The following SRP72 variants were observed in gnomAD, a reference collection of about 807,000 sequenced individuals.
The protein encoded by SRP72 is signal recognition particle 72, also known as signal recognition particle subunit SRP72.
In SRP72, 49 loss-of-function variants were observed where a neutral mutation model predicts 96.3. That is an observed-to-expected ratio of 0.51 (90% CI 0.40 to 0.65). The LOEUF is 0.65. Among genes scored for constraint, SRP72 ranks in the 30% least tolerant of loss-of-function variants. The probability of loss-of-function intolerance (pLI) is 0.00; values close to 1 mark genes in which losing one functional copy is unlikely to be tolerated. For missense variants in SRP72, 736 were observed against 793.3 expected, an observed-to-expected ratio of 0.93 and a Z score of 0.87; for synonymous variants, 267 against 275.2, an observed-to-expected ratio of 0.97 and a Z score of 0.30.
At chr4:56,478,730 C>T in intron 8 of SRP72, 81 bp downstream of exon 8, 1 of 1,387,324 alleles carries the variant, frequency 7.2e-7, no homozygotes, top group Non-Finnish European at 9.9e-7. Flanking sequence ...TCTAGGATAG[C>T]CTAAGTGTTC....
Position 56,490,386 on chromosome 4 carries a change from C to T in SRP72, c.1374C>T (p.Leu458=), listed in dbSNP as rs1308193165. The change falls in exon 14 of 19, where the codon CTC becomes CTT. Residue 458 remains leucine, a synonymous_variant. Transcript: ENST00000642900. ...SLIREAANFK[L]KYGRKKEAIS... ...TAAGAGAAGCTGCAAACTTCAAACTCAAATATGGGCGGAAGAAGGAGGCAA... is the reference window on the plus strand; with the variant it reads ...TAAGAGAAGCTGCAAACTTCAAACTTAAATATGGGCGGAAGAAGGAGGCAA... The T allele has an allele frequency of 6.2e-7, 1 of 1,613,938 alleles. No homozygotes were observed. The highest frequency in any genetic ancestry group is 1.7e-4 in the Middle Eastern group (1 of 6,058).
intron 13 of SRP72, among the ~76,000 whole-genome samples, chr4:56,489,835 A>G (rs1720845580): frequency 6.6e-6 from 1 of 152,214 alleles, no homozygotes; most frequent in Admixed American, 6.5e-5. Flanking sequence ...TTAGTACAAC[A>G]GTAATACATG....
chr4:56,489,353 G>T, intron 12 of SRP72, 35 bp from the exon 13 acceptor site: 1 of 1,242,938 alleles, frequency 8.0e-7, no homozygotes, highest in Non-Finnish European at 1.1e-6. Flanking sequence ...GGGAGTGAAG[G>T]GGGAGTTCAC....
intron 6 of SRP72, chr4:56,477,120 G>T: frequency 7.5e-6 from 1 of 132,964 alleles, no homozygotes; most frequent in Non-Finnish European, 1.5e-5. Flanking sequence ...CCATTATAGA[G>T]TCCTTATGTT....
intron 8 of SRP72, among the ~76,000 whole-genome samples, chr4:56,481,443 A>G (rs1018058905): frequency 5.9e-5 from 9 of 152,326 alleles, no homozygotes; most frequent in East Asian, 3.9e-4. Context: ...GTGACTTTCA[A>G]TAATTCTTAA....
intron 1 of SRP72, 64 bp downstream of exon 1, chr4:56,467,808 C>T: frequency 7.4e-7 from 1 of 1,357,768 alleles, no homozygotes; most frequent in Non-Finnish European, 9.6e-7. Context: ...CTGTTTCCGG[C>T]GCGCGAGACC....
chr4:56,484,734 A>G lies in SRP72; in HGVS notation c.958-2A>G, dbSNP rs1048301592. On this transcript the variant is annotated splice_acceptor_variant, in intron 9 of 18. Transcript: ENST00000642900. LOFTEE classifies it high-confidence loss of function. ...TTCTTGTGGGGGTTGGATATCTTCT[A>G]GGCTGAACAATGCCGCAAAATATCT... is the stretch of plus-strand genomic sequence containing the variant. 1.2e-6 allele frequency: 2 copies of G among 1,613,938 alleles called. No individual in the cohort carries two copies. The highest frequency in any genetic ancestry group is 1.7e-6 in the Non-Finnish European group (2 of 1,180,030).
intron 3 of SRP72, among the ~76,000 whole-genome samples, chr4:56,473,349 T>G (rs1720057616): frequency 6.6e-6 from 1 of 150,618 alleles, no homozygotes; most frequent in African/African-American, 2.5e-5. Flanking sequence ...TCCCAGCTAC[T>G]CGGGAGGCTG....
chr4:56,469,714 G>A lies in SRP72; in HGVS notation c.171G>A (p.Gln57=), dbSNP rs375792393. Residue 57 remains glutamine, a synonymous_variant, in exon 2 of 19, where the codon CAG becomes CAA. Coordinates refer to ENST00000642900, the MANE Select transcript of SRP72 (RefSeq NM_006947.4). The part of the protein sequence containing the change: ...ALHCKVVCLI[Q]NGSFKEALNV... The stretch of plus-strand genomic sequence containing the variant: ...ATTGTAAAGTGGTATGCCTTATCCA[G>A]AATGGAAGTTTCAAGGAAGCTTTGA... 6.2e-7 allele frequency: 1 copy of A among 1,612,640 alleles called. No individual in the cohort carries two copies. The highest frequency in any genetic ancestry group is 8.5e-7 in the Non-Finnish European group (1 of 1,179,038).
At chr4:56,484,240 T>G (rs1326770306) in intron 9 of SRP72, among the ~76,000 whole-genome samples, 1 of 151,874 alleles carries the variant, frequency 6.6e-6, no homozygotes, top group Non-Finnish European at 1.5e-5. Flanking sequence ...TTCACCATGT[T>G]AGCCAGGATG....
chr4:56,492,133 A>G (rs1160455744), intron 16 of SRP72, among the ~76,000 whole-genome samples: 2 of 152,210 alleles, frequency 1.3e-5, no homozygotes, highest in African/African-American at 2.4e-5. Flanking sequence ...TATTTTTTAC[A>G]GAAGGAGGAT....
chr4:56,476,462 A>G, intron 5 of SRP72: 2 of 558,378 alleles, frequency 3.6e-6, no homozygotes. Flanking sequence ...GACACAACAA[A>G]TGAAAGCAAA....
At chr4:56,489,746 C>G (rs1425633015) in intron 13 of SRP72, among the ~76,000 whole-genome samples, 1 of 152,088 alleles carries the variant, frequency 6.6e-6, no homozygotes, top group Non-Finnish European at 1.5e-5. Flanking sequence ...TGTATGTAAT[C>G]TCAAGAAATA....
intron 8 of SRP72, among the ~76,000 whole-genome samples, chr4:56,480,329 G>A (rs1049785936): frequency 7.9e-5 from 12 of 152,044 alleles, no homozygotes; most frequent in Admixed American, 5.2e-4. Flanking sequence ...GCACAATCTC[G>A]GCTTACTGCA....
chr4:56,492,040 T>G (rs1212143216), intron 16 of SRP72, among the ~76,000 whole-genome samples: 1 of 152,184 alleles, frequency 6.6e-6, no homozygotes, highest in Non-Finnish European at 1.5e-5. Flanking sequence ...GGTTTCACCC[T>G]TTTGACCAGG....
chr4:56,491,736 C>A, intron 16 of SRP72, 168 bp downstream of exon 16: 1 of 598,414 alleles, frequency 1.7e-6, no homozygotes, highest in Non-Finnish European at 2.7e-6. Context: ...TCCCTTTTCC[C>A]TCAGCCCAAA....
intron 3 of SRP72, among the ~76,000 whole-genome samples, chr4:56,472,819 G>A (rs1720032537): frequency 6.6e-6 from 1 of 152,160 alleles, no homozygotes; most frequent in Non-Finnish European, 1.5e-5. Context: ...TAACTTTAGG[G>A]TAAATTCTAG....
chr4:56,493,567 C>T (rs1352845180), intron 16 of SRP72, among the ~76,000 whole-genome samples: 1 of 151,918 alleles, frequency 6.6e-6, no homozygotes, highest in Non-Finnish European at 1.5e-5. Context: ...TACTTGCTCT[C>T]AAAAGAACTT....
chr4:56,481,179 A>G (rs1720469621), intron 8 of SRP72, among the ~76,000 whole-genome samples: 1 of 152,216 alleles, frequency 6.6e-6, no homozygotes, highest in Admixed American at 6.5e-5. Context: ...ACATTAAAGT[A>G]GTTTCAAATT....
Sources: allele counts gnomAD v4.1 joint callset (sites outside exome capture counted in the v4.1 genomes callset), GRCh38; gene constraint gnomAD v4.1.1; transcripts MANE v1.5; gene names NCBI Gene and HGNC (gene_info 2026-07-23, HGNC 2026-07-21).